The following WDR88 variants were observed in gnomAD, a reference collection of about 807,000 sequenced individuals.
WDR88 encodes the protein WD repeat-containing protein 88.
A neutral mutation model predicts 46.8 loss-of-function variants in WDR88; 40 were observed. That is an observed-to-expected ratio of 0.86 (90% CI 0.66 to 1.11). WDR88 has a LOEUF of 1.11. WDR88 is among the 50% of genes most tolerant of loss of function. The pLI, the probability that WDR88 is intolerant of heterozygous loss-of-function variation, is 0.00. For missense variants in WDR88, 562 were observed against 602.4 expected (o/e 0.93, Z 0.70); for synonymous variants, 235 against 240.7 (o/e 0.98, Z 0.22).
intron 6 of WDR88, among the ~76,000 whole-genome samples, chr19:33,155,943 T>C (rs1233627514): frequency 1.3e-5 from 2 of 152,218 alleles, no homozygotes; most frequent in East Asian, 1.9e-4. Flanking sequence ...CTTGGTGTGG[T>C]TGGCCCAGTG....
At position 33,148,895 on chromosome 19, in the gene WDR88, G is replaced by A. The variant is rs201611292; in HGVS notation, c.664G>A (p.Val222Ile). The change falls in exon 5 of 11, where the codon GTT (valine) becomes ATT (isoleucine). Residue 222 changes from valine to isoleucine, a missense_variant. Transcript: ENST00000355868. ...CIMDAENITT[V>I]SVIKDHHTRS... Reference sequence around the variant, plus strand: ...AATGGACGCCGAGAACATCACCACCGTTTCCGTCATCAAAGGTGAGGGTGT... The same window carrying A: ...AATGGACGCCGAGAACATCACCACCATTTCCGTCATCAAAGGTGAGGGTGT... 1.3e-5 allele frequency: 21 copies of A among 1,614,078 alleles called. No homozygotes were observed. Among genetic ancestry groups the A allele is most frequent in the East Asian group, 8.9e-5 (4 of 44,874 alleles).
intron 7 of WDR88, among the ~76,000 whole-genome samples, chr19:33,158,443 AAG>A (rs1973803868): frequency 6.6e-6 from 1 of 152,088 alleles, no homozygotes; most frequent in African/African-American, 2.4e-5. Flanking sequence ...GAAAAAAAGA[AAG>A]AAAAAAAAAA....
At chr19:33,142,255 T>A (rs1973411558) in intron 2 of WDR88, among the ~76,000 whole-genome samples, 1 of 151,912 alleles carries the variant, frequency 6.6e-6, no homozygotes, top group Non-Finnish European at 1.5e-5. Flanking sequence ...GAGACAGGTC[T>A]CTGGAGTGGC....
At chr19:33,150,543 C>T (rs1437118381) in intron 5 of WDR88, among the ~76,000 whole-genome samples, 1 of 152,246 alleles carries the variant, frequency 6.6e-6, no homozygotes, top group Non-Finnish European at 1.5e-5. Context: ...ATGAACCATA[C>T]ATTGCTGGGC....
At chr19:33,148,211 C>T (rs979642585) in intron 4 of WDR88, among the ~76,000 whole-genome samples, 4 of 151,954 alleles carry the variant, frequency 2.6e-5, no homozygotes, top group Admixed American at 6.6e-5. Flanking sequence ...GACTCCCACT[C>T]GGCCCTGCAC....
intron 1 of WDR88, among the ~76,000 whole-genome samples, chr19:33,133,198 T>TAAATAGAGAG (rs1555723214): frequency 7.8e-4 from 62 of 79,816 alleles, no homozygotes; most frequent in Non-Finnish European, 7.7e-4. Flanking sequence ...TAAATAAATA[T>TAAATAGAGAG]AGAGAGAGAG....
At chr19:33,134,387 C>T (rs538046989) in intron 1 of WDR88, among the ~76,000 whole-genome samples, 1 of 152,010 alleles carries the variant, frequency 6.6e-6, no homozygotes, top group South Asian at 2.1e-4. Flanking sequence ...GAGGGGGAGT[C>T]TCGCCATGTT....
intron 7 of WDR88, among the ~76,000 whole-genome samples, chr19:33,158,096 G>A (rs867289074): frequency 6.6e-6 from 1 of 152,078 alleles, no homozygotes; most frequent in African/African-American, 2.4e-5. Context: ...AAGCCACCGC[G>A]GCTAGCCAGC....
intron 7 of WDR88, 71 bp from the exon 8 acceptor site, chr19:33,160,343 T>G (rs1747732091): frequency 6.6e-7 from 1 of 1,515,340 alleles, no homozygotes; most frequent in African/African-American, 1.4e-5. Context: ...CCAAGGCATC[T>G]TCAGCTGGCT....
chr19:33,162,416 T>C (rs921243972), intron 8 of WDR88, among the ~76,000 whole-genome samples: 22 of 152,088 alleles, frequency 1.4e-4, no homozygotes, highest in Admixed American at 9.2e-4. Context: ...TGTTTCACCA[T>C]GTTAGCCAGG....
chr19:33,157,718 TATATATATATATATATATAA>T (rs1274186819), intron 7 of WDR88, among the ~76,000 whole-genome samples: 587 of 46,544 alleles, frequency 0.013, 52 homozygotes, highest in African/African-American at 0.064. Flanking sequence ...TATATATATA[TATATATATATATATATATAA>T]AATTAAAGAG....
chr19:33,146,468 C>T (rs112973494), intron 3 of WDR88, among the ~76,000 whole-genome samples: 360 of 4,400 alleles, frequency 0.082, 3 homozygotes, highest in African/African-American at 0.13. Flanking sequence ...TCCTTCTTTC[C>T]TTCCTTCCTT....
chr19:33,164,812 G>A (rs1973927655), intron 9 of WDR88, among the ~76,000 whole-genome samples: 1 of 152,084 alleles, frequency 6.6e-6, no homozygotes, highest in African/African-American at 2.4e-5. Flanking sequence ...TCCATGGTTG[G>A]GGGGCGGGGG....
At chr19:33,145,534 CT>C (rs200694766) in intron 3 of WDR88, among the ~76,000 whole-genome samples, 19,659 of 143,650 alleles carry the variant, frequency 0.14, 1,345 homozygotes, top group Middle Eastern at 0.24. Context: ...GGGAATTTAT[CT>C]TTTTTTTTTT....
intron 8 of WDR88, 32 bp from the exon 9 acceptor site, chr19:33,164,165 C>G: frequency 1.3e-6 from 2 of 1,596,340 alleles, no homozygotes; most frequent in African/African-American, 1.3e-5. Context: ...TTATTTTCTC[C>G]ACGTTTTCAT....
intron 1 of WDR88, among the ~76,000 whole-genome samples, chr19:33,133,198 T>TAAATATAGAGAG (rs1555723214): frequency 0.018 from 1,445 of 79,540 alleles, 15 homozygotes; most frequent in Middle Eastern, 0.061. Flanking sequence ...TAAATAAATA[T>TAAATATAGAGAG]AGAGAGAGAG....
chr19:33,137,136 T>C (rs1973284907), intron 1 of WDR88, among the ~76,000 whole-genome samples: 1 of 150,234 alleles, frequency 6.7e-6, no homozygotes, highest in Admixed American at 6.7e-5. Flanking sequence ...TCCAATTTTG[T>C]ACAGACAGTC....
chr19:33,157,679 GTATGTATGTATATATATATA>G (rs869039879), intron 7 of WDR88, among the ~76,000 whole-genome samples: 11 of 94,196 alleles, frequency 1.2e-4, no homozygotes, highest in Non-Finnish European at 1.8e-4. Flanking sequence ...GTGTGTGTGT[GTATGTATGTATATATATATA>G]TATATATATA....
chr19:33,132,232 C>T lies in WDR88; in HGVS notation c.63C>T (p.Pro21=), dbSNP rs1220107138. The T allele has an allele frequency of 6.2e-7, 1 of 1,610,870 alleles. No individual in the cohort carries two copies. Among genetic ancestry groups the T allele is most frequent in the Non-Finnish European group, 8.5e-7 (1 of 1,179,834 alleles). Residue 21 remains proline (P), a synonymous_variant, in exon 1 of 11, where the codon CCC becomes CCT. Coordinates refer to ENST00000355868, the MANE Select transcript of WDR88 (RefSeq NM_173479.4). ...AHDRECKLPP[P]SAPASEYCPG... ...ACAGGGAATGCAAGTTGCCGCCACC[C>T]TCCGCCCCCGCCAGCGAGTATTGTC... is the stretch of plus-strand genomic sequence containing the variant.
Sources: allele counts gnomAD v4.1 joint callset (sites outside exome capture counted in the v4.1 genomes callset), GRCh38; gene constraint gnomAD v4.1.1; transcripts MANE v1.5; gene names NCBI Gene and HGNC (gene_info 2026-07-23, HGNC 2026-07-21).